The following RBBP4 variants were observed in gnomAD, a reference collection of about 807,000 sequenced individuals.
RBBP4 encodes the protein histone-binding protein RBBP4.
A neutral mutation model predicts 57.2 loss-of-function variants in RBBP4; 3 were observed. The observed-to-expected ratio is 0.05, with a 90% CI of 0.02 to 0.14. The LOEUF (loss-of-function observed/expected upper bound fraction) is 0.14. Ranked by LOEUF, RBBP4 falls within the 10% of genes least tolerant of loss-of-function variation. RBBP4 has a pLI of 1.00. For missense variants in RBBP4, 107 were observed against 520.6 expected (o/e 0.21, Z 7.73); for synonymous variants, 151 against 171.5 (o/e 0.88, Z 0.93).
At position 32,651,332 on chromosome 1, in the gene RBBP4, C is replaced by T. The variant is rs892444883; in HGVS notation, c.16+10C>T. On this transcript the variant is annotated intron_variant, in intron 1 of 11. Transcript: ENST00000373493. ...ATGGCCGACAAGGAAGGTGAGGGTG[C>T]CGGGGCCGACCCAGGAGGGCAGTGG... is the stretch of plus-strand genomic sequence containing the variant. The T allele has an allele frequency of 1.4e-6, 2 of 1,454,504 alleles. No homozygotes were observed. The highest frequency in any genetic ancestry group is 1.8e-6 in the Non-Finnish European group (2 of 1,103,856). 90.1% of individuals were successfully genotyped at this position (1,454,504 alleles called of 1,614,324 possible). A position where few individuals can be genotyped will look rare whatever the true frequency, so the allele number is the denominator to read the frequency against.
chr1:32,677,438 T>C (rs1445388750), intron 11 of RBBP4, among the ~76,000 whole-genome samples: 1 of 150,976 alleles, frequency 6.6e-6, no homozygotes, highest in Non-Finnish European at 1.5e-5. Flanking sequence ...TATGCATCTC[T>C]TCCATGTGGT....
intron 11 of RBBP4, among the ~76,000 whole-genome samples, chr1:32,673,251 C>T (rs1648949790): frequency 1.3e-5 from 2 of 152,152 alleles, no homozygotes; most frequent in South Asian, 2.1e-4. Flanking sequence ...TAGTTCACTT[C>T]CAGATTTCAT....
chr1:32,651,997 T>C lies in RBBP4; in HGVS notation c.100T>C (p.Leu34=). The change falls in exon 2 of 12, where the codon TTG becomes CTG. Residue 34 remains leucine, a synonymous_variant. Transcript: ENST00000373493. ...AAAGAACACCCCTTTTCTTTATGAT[T>C]TGGTGATGACCCATGCTCTGGAGTG... The part of the protein sequence containing the change: ...WKKNTPFLYD[L]VMTHALEWPS... 1 of 1,613,976 alleles carries C rather than the reference T, an allele frequency of 6.2e-7. No homozygotes were observed. Among genetic ancestry groups the C allele is most frequent in the Non-Finnish European group, 8.5e-7 (1 of 1,179,846 alleles).
intron 2 of RBBP4, chr1:32,652,290 G>A: frequency 2.1e-6 from 1 of 486,044 alleles, no homozygotes; most frequent in Non-Finnish European, 3.7e-6. Context: ...TTAAATAGCT[G>A]TAGCTGATGA....
Position 32,669,282 on chromosome 1 carries a change from TCA to T in RBBP4, c.817_818del (p.Thr273CysfsTer2). ...CCAAACCAAGCCACTCAGTTGATGCTCACACTGCTGAAGTGAACTGCCTTTCT... is the reference window on the plus strand; with the variant it reads ...CCAAACCAAGCCACTCAGTTGATGCTCACTGCTGAAGTGAACTGCCTTTCT... The part of the protein sequence containing the change: ...TSKPSHSVDA[H>X]TAEVNCLSFN... On this transcript the variant is annotated frameshift_variant, in exon 7 of 12. Coordinates refer to ENST00000373493, the MANE Select transcript of RBBP4 (RefSeq NM_005610.3). LOFTEE classifies it high-confidence loss of function. This position sits in a 1 kb window ranked among gnomAD's most constrained non-coding sequence, Gnocchi z 4.9. 1 of 1,612,886 alleles carries T rather than the reference TCA, an allele frequency of 6.2e-7. No individual in the cohort carries two copies. Among genetic ancestry groups the T allele is most frequent in the South Asian group, 1.1e-5 (1 of 91,002 alleles).
chr1:32,655,706 A>C (rs1648110712), intron 2 of RBBP4, among the ~76,000 whole-genome samples: 1 of 152,152 alleles, frequency 6.6e-6, no homozygotes, highest in African/African-American at 2.4e-5. Context: ...TCCTTACGTG[A>C]AGGCCTTACC....
chr1:32,663,864 C>T (rs1648529483), intron 3 of RBBP4, among the ~76,000 whole-genome samples: 1 of 152,054 alleles, frequency 6.6e-6, no homozygotes, highest in African/African-American at 2.4e-5. Flanking sequence ...GCTTGAGCCA[C>T]CACGCCTGGC....
intron 3 of RBBP4, among the ~76,000 whole-genome samples, chr1:32,659,852 G>A (rs1180824591): frequency 6.6e-6 from 1 of 152,098 alleles, no homozygotes; most frequent in Non-Finnish European, 1.5e-5. Context: ...ACATTTAGAT[G>A]GTTTCTAATT....
In RBBP4 at chr1:32,685,288, A is replaced by C. The variant is rs1649748156; in HGVS notation, c.*5583A>C. 1 of 152,192 alleles carries C rather than the reference A, an allele frequency of 6.6e-6. No individual in the cohort carries two copies. 9.4% of individuals were successfully genotyped at this position (152,192 alleles called of 1,614,324 possible). A position where few individuals can be genotyped will look rare whatever the true frequency, so the allele number is the denominator to read the frequency against. On this transcript the variant is annotated 3_prime_UTR_variant, in exon 12 of 12. Coordinates refer to ENST00000373493, the MANE Select transcript of RBBP4 (RefSeq NM_005610.3). ...AGAATCAGGCTGGGATGCATTCTGT[A>C]AATTTTCCCTGCCTAGGATGTATAC...
intron 2 of RBBP4, among the ~76,000 whole-genome samples, chr1:32,656,008 C>G (rs1648124265): frequency 6.6e-6 from 1 of 151,996 alleles, no homozygotes; most frequent in Non-Finnish European, 1.5e-5. Context: ...ATGTGGATGC[C>G]CTTGACCCAG....
chr1:32,664,382 T>C (rs1648557800), intron 3 of RBBP4, among the ~76,000 whole-genome samples: 1 of 152,206 alleles, frequency 6.6e-6, no homozygotes, highest in East Asian at 1.9e-4. Context: ...CTCTGTGGGC[T>C]CTGTGCCAAC....
At position 32,655,134 on chromosome 1, in the gene RBBP4, A is replaced by G. The variant is rs539254625; in HGVS notation, c.165-2293A>G. ...CTCTGGAATAGTTGGGGCTACAGGC[A>G]CACGCTACCATACCTGGCTAATTTT... is the stretch of plus-strand genomic sequence containing the variant. On this transcript the variant is annotated intron_variant, in intron 2 of 11. Coordinates refer to ENST00000373493, the MANE Select transcript of RBBP4 (RefSeq NM_005610.3). 2.0e-5 allele frequency among the ~76,000 whole-genome samples: 3 copies of G among 152,206 alleles called. No individual in the cohort carries two copies. The East Asian group carries it at 5.8e-4, about 29-fold the overall frequency.
In RBBP4 at chr1:32,669,665, C is replaced by T. The variant is rs539292156; in HGVS notation, c.966+102C>T. The T allele has an allele frequency of 2.2e-3, 3,134 of 1,442,282 alleles. 22 individuals are homozygous for T. Among genetic ancestry groups the T allele is most frequent in the Middle Eastern group, 0.02 (75 of 3,726 alleles). 89.3% of individuals were successfully genotyped at this position (1,442,282 alleles called of 1,614,324 possible). ...CAGCACTTTGGGAGGCTGAAGCGGG[C>T]GGATCACAAGGTCAGGAGATCGAGA... is the stretch of plus-strand genomic sequence containing the variant. On this transcript the variant is annotated intron_variant, in intron 8 of 11. Coordinates refer to ENST00000373493, the MANE Select transcript of RBBP4 (RefSeq NM_005610.3). This position sits in a 1 kb window ranked among gnomAD's most constrained non-coding sequence, Gnocchi z 4.9.
intron 3 of RBBP4, among the ~76,000 whole-genome samples, chr1:32,664,165 GTCAAATT>G (rs1648548930): frequency 6.6e-6 from 1 of 152,072 alleles, no homozygotes; most frequent in Non-Finnish European, 1.5e-5. Flanking sequence ...CCTGAACCCT[GTCAAATT>G]TAACAGTGAG....
At chr1:32,672,380 A>G (rs993748719) in intron 8 of RBBP4, 70 bp from the exon 9 acceptor site, 3 of 1,238,550 alleles carry the variant, frequency 2.4e-6, no homozygotes, top group African/African-American at 3.1e-5. Flanking sequence ...AAATTGTTAA[A>G]TATTTTGTGA....
chr1:32,662,566 G>A (rs1270297402), intron 3 of RBBP4, among the ~76,000 whole-genome samples: 4 of 150,972 alleles, frequency 2.6e-5, no homozygotes, highest in African/African-American at 4.9e-5. Flanking sequence ...TGTAGAGATG[G>A]GGTTTCACTA....
In RBBP4 at chr1:32,679,951, A is replaced by G. The variant is rs1649317502; in HGVS notation, c.*246A>G. 9 of 1,278,980 alleles carry G rather than the reference A, an allele frequency of 7.0e-6. No homozygotes were observed. In the South Asian group the frequency reaches 1.5e-4, roughly 22 times the overall value. 79.2% of individuals were successfully genotyped at this position (1,278,980 alleles called of 1,614,324 possible). ...TTTTCTAGTAACCCAGGTCTAAAGT[A>G]GCTACAGAAAGGGGAATATTATGTG... On this transcript the variant is annotated 3_prime_UTR_variant, in exon 12 of 12. Coordinates refer to ENST00000373493, the MANE Select transcript of RBBP4 (RefSeq NM_005610.3).
chr1:32,678,108 C>A (rs1181644482), intron 11 of RBBP4, among the ~76,000 whole-genome samples: 2 of 152,026 alleles, frequency 1.3e-5, no homozygotes, highest in Non-Finnish European at 2.9e-5. Context: ...AACCATCAAC[C>A]ACAGTCAATT....
chr1:32,672,780 C>T lies in RBBP4; in HGVS notation c.1102-11C>T. ...CTGCATTTCACCTCTTTGTTTTCTTCCCTCTTTCAGTTTATTCATGGTGGT... is the reference window on the plus strand; with the variant it reads ...CTGCATTTCACCTCTTTGTTTTCTTTCCTCTTTCAGTTTATTCATGGTGGT... On this transcript the variant is annotated splice_polypyrimidine_tract_variant and intron_variant, in intron 10 of 11. Transcript: ENST00000373493. 6.2e-7 allele frequency: 1 copy of T among 1,609,724 alleles called. No individual in the cohort carries two copies. The highest frequency in any genetic ancestry group is 8.5e-7 in the Non-Finnish European group (1 of 1,176,054).
Sources: allele counts gnomAD v4.1 joint callset (sites outside exome capture counted in the v4.1 genomes callset), GRCh38; gene constraint gnomAD v4.1.1; non-coding constraint Gnocchi (gnomAD v3.1); transcripts MANE v1.5; gene names NCBI Gene and HGNC (gene_info 2026-07-23, HGNC 2026-07-21).